Variants in PVT1 observed in about 807,000 individuals in gnomAD.
PVT1 encodes the protein CXCR4/PVT1 fusion.
At chr8:128,058,390 G>GTGTA (rs1813787708) in intron 4 of PVT1, among the ~76,000 whole-genome samples, 1 of 149,544 alleles carries the variant, frequency 6.7e-6, no homozygotes, top group African/African-American at 2.4e-5. Flanking sequence ...GTGTGTGTGT[G>GTGTA]TGTGTGTGTG....
intron 4 of PVT1, among the ~76,000 whole-genome samples, chr8:128,004,697 T>C (rs1817225595): frequency 6.6e-6 from 1 of 152,202 alleles, no homozygotes; most frequent in African/African-American, 2.4e-5. Flanking sequence ...GCCTTTCGAA[T>C]ACCAATTACC....
At chr8:128,068,077 G>T (rs1194706650) in intron 4 of PVT1, among the ~76,000 whole-genome samples, 1 of 151,356 alleles carries the variant, frequency 6.6e-6, no homozygotes, top group African/African-American at 2.4e-5. Context: ...CTTCATGTCT[G>T]CTTGGCCTCT....
At chr8:128,020,065 G>C (rs1220712996) in intron 4 of PVT1, among the ~76,000 whole-genome samples, 1 of 44,162 alleles carries the variant, frequency 2.3e-5, no homozygotes, top group Non-Finnish European at 4.2e-5. Flanking sequence ...GCTGGGTAAA[G>C]TCCTTCTCCA....
At chr8:127,853,081 G>A (rs1815120995) in intron 2 of PVT1, among the ~76,000 whole-genome samples, 1 of 152,230 alleles carries the variant, frequency 6.6e-6, no homozygotes, top group Admixed American at 6.5e-5. Flanking sequence ...AAGATCAGCT[G>A]TGGGTGGAGC....
At chr8:127,899,505 G>A (rs189980002) in intron 3 of PVT1, among the ~76,000 whole-genome samples, 36 of 152,306 alleles carry the variant, frequency 2.4e-4, no homozygotes, top group African/African-American at 6.7e-4. Flanking sequence ...GACAGTCCTC[G>A]TCTTGTGCCC....
intron 3 of PVT1, among the ~76,000 whole-genome samples, chr8:127,971,385 T>C (rs1211007226): frequency 6.6e-6 from 1 of 152,218 alleles, no homozygotes; most frequent in African/African-American, 2.4e-5. Flanking sequence ...CCACACTGCT[T>C]AGAGAGGTTT....
chr8:127,893,816 A>G (rs1375795389), intron 3 of PVT1, among the ~76,000 whole-genome samples: 1 of 152,154 alleles, frequency 6.6e-6, no homozygotes, highest in Non-Finnish European at 1.5e-5. Context: ...GGGGCACTGT[A>G]TCACTTACTC....
intron 4 of PVT1, among the ~76,000 whole-genome samples, chr8:128,052,655 A>G (rs1377167372): frequency 1.3e-5 from 2 of 152,282 alleles, no homozygotes; most frequent in South Asian, 4.2e-4. Context: ...TTTATTTCAC[A>G]TCTGTATTCC....
chr8:127,815,043 C>T (rs1469068966), intron 2 of PVT1, among the ~76,000 whole-genome samples: 1 of 152,044 alleles, frequency 6.6e-6, no homozygotes, highest in Admixed American at 6.6e-5. Flanking sequence ...TTCAGCTCAC[C>T]ACAACCTCTG....
At chr8:128,091,932 T>C (rs1032661357) in intron 5 of PVT1, among the ~76,000 whole-genome samples, 55 of 152,174 alleles carry the variant, frequency 3.6e-4, no homozygotes, top group African/African-American at 1.3e-3. Context: ...GTGGGGTTGC[T>C]GAGAGCTGTC....
intron 2 of PVT1, chr8:127,854,630 A>G (rs1815142560): frequency 6.6e-6 from 1 of 152,266 alleles, no homozygotes; most frequent in African/African-American, 2.4e-5. Context: ...AGCATCGAAG[A>G]GTTCAGTTCA....
chr8:127,909,784 G>A (rs1815869720), intron 3 of PVT1, among the ~76,000 whole-genome samples: 3 of 152,278 alleles, frequency 2.0e-5, no homozygotes, highest in South Asian at 2.1e-4. Context: ...CCATGCAGGC[G>A]CTCTGGGGCT....
chr8:127,998,932 A>G (rs1182019550), intron 4 of PVT1, among the ~76,000 whole-genome samples: 2 of 149,422 alleles, frequency 1.3e-5, no homozygotes, highest in Non-Finnish European at 3.0e-5. Context: ...CTTATCTTGT[A>G]TATTTCCAGC....
At chr8:128,084,061 G>A (rs936695639) in intron 5 of PVT1, among the ~76,000 whole-genome samples, 3 of 152,154 alleles carry the variant, frequency 2.0e-5, no homozygotes, top group Non-Finnish European at 4.4e-5. Flanking sequence ...TACTGCAGGA[G>A]CCTCCTAATC....
chr8:128,071,397 A>T (rs1387772937), intron 5 of PVT1, among the ~76,000 whole-genome samples: 1 of 152,144 alleles, frequency 6.6e-6, no homozygotes, highest in Non-Finnish European at 1.5e-5. Flanking sequence ...AAATTAATTT[A>T]TAGGATGTGT....
chr8:127,847,491 A>T (rs57264232), intron 2 of PVT1, among the ~76,000 whole-genome samples: 4,598 of 152,244 alleles, frequency 0.03, 226 homozygotes, highest in African/African-American at 0.1. Flanking sequence ...CCCTACAGAG[A>T]TAACCTATAG....
Position 127,835,862 on chromosome 8 carries a change from G to A in PVT1, n.372+39791G>A, listed in dbSNP as rs73355205. ...AGGCCTAAGATTGTTTAGTATTCAC[G>A]GAGTTATTTTGTGAACACTAGTGTC... is the stretch of plus-strand genomic sequence containing the variant. On this transcript the variant is annotated intron_variant and non_coding_transcript_variant, in intron 2 of 10. Coordinates refer to ENST00000651587, the Ensembl canonical transcript of PVT1. Among the ~76,000 whole-genome samples, 1,099 of 152,172 alleles carry A rather than the reference G, an allele frequency of 7.2e-3. 20 individuals are homozygous for A. The highest frequency in any genetic ancestry group is 0.025 in the African/African-American group (1,032 of 41,518).
At chr8:127,957,971 C>T (rs917370031) in intron 3 of PVT1, among the ~76,000 whole-genome samples, 1 of 152,194 alleles carries the variant, frequency 6.6e-6, no homozygotes, top group African/African-American at 2.4e-5. Flanking sequence ...GTTTCTAATT[C>T]CCTGGCACCA....
chr8:128,016,951 C>T lies in PVT1; in HGVS notation n.912+27660C>T, dbSNP rs148556881. On this transcript the variant is annotated intron_variant and non_coding_transcript_variant, in intron 4 of 10. Coordinates refer to ENST00000651587, the Ensembl canonical transcript of PVT1. ...CTGTAATCCCAGCACTTCGGGAGGC[C>T]AAGGTAAGAGTATGGCTTGAGCCCA... 3.0e-3 allele frequency among the ~76,000 whole-genome samples: 463 copies of T among 152,176 alleles called. 14 individuals carry two copies. In the East Asian group the frequency reaches 0.057, roughly 19 times the overall value.
Sources: allele counts gnomAD v4.1 joint callset (sites outside exome capture counted in the v4.1 genomes callset), GRCh38; gene constraint gnomAD v4.1.1; transcripts MANE v1.5; gene names NCBI Gene and HGNC (gene_info 2026-07-23, HGNC 2026-07-21).